SPON1: variants seen among roughly 807,000 people sequenced by gnomAD.
SPON1 encodes spondin 1.
Under a neutral mutation model 111.7 loss-of-function variants are expected in SPON1, and 52 were observed. The ratio of observed to expected loss-of-function variants is 0.47; its 90% CI spans 0.37 to 0.59. SPON1 has a LOEUF of 0.59. Ranked by LOEUF, SPON1 falls within the 20% of genes least tolerant of loss-of-function variation. SPON1 has a pLI of 0.00. For synonymous variants in SPON1, 410 were observed against 395.8 expected (o/e 1.04, Z -0.43); for missense variants, 957 against 1,068.5 (o/e 0.90, Z 1.46).
At chr11:14,053,717 A>G (rs1277480600) in intron 3 of SPON1, among the ~76,000 whole-genome samples, 1 of 152,208 alleles carries the variant, frequency 6.6e-6, no homozygotes, top group Non-Finnish European at 1.5e-5. Context: ...GAAGGACAGT[A>G]ATGACTCCAA....
At chr11:14,173,553 G>T (rs1437026316) in intron 6 of SPON1, among the ~76,000 whole-genome samples, 4 of 152,192 alleles carry the variant, frequency 2.6e-5, no homozygotes, top group Admixed American at 1.3e-4. Context: ...CGTTCCTTTG[G>T]AGGAGAAGGG....
At chr11:14,265,411 A>G (rs1554942365) in intron 15 of SPON1, 113 bp from the exon 16 acceptor site, 2 of 1,230,094 alleles carry the variant, frequency 1.6e-6, no homozygotes, top group Non-Finnish European at 2.2e-6. Context: ...CAATCATTAC[A>G]TACTTGAGCA....
intron 3 of SPON1, among the ~76,000 whole-genome samples, chr11:14,042,300 T>C (rs1396134689): frequency 1.3e-5 from 2 of 152,200 alleles, no homozygotes; most frequent in African/African-American, 4.8e-5. Context: ...GGAAAATGAT[T>C]TCTGTGGTCA....
At chr11:14,031,675 T>C (rs1848560257) in intron 2 of SPON1, among the ~76,000 whole-genome samples, 1 of 152,114 alleles carries the variant, frequency 6.6e-6, no homozygotes, top group Admixed American at 6.5e-5. Context: ...TTTTTTTCCT[T>C]TACTTTTCTG....
intron 3 of SPON1, among the ~76,000 whole-genome samples, chr11:14,074,030 T>G (rs1312288531): frequency 9.2e-5 from 14 of 152,126 alleles, no homozygotes; most frequent in Admixed American, 9.2e-4. Context: ...TGAAAAGCAC[T>G]GTTGGAGATG....
At chr11:14,188,544 C>A (rs1444299767) in intron 6 of SPON1, among the ~76,000 whole-genome samples, 1 of 152,160 alleles carries the variant, frequency 6.6e-6, no homozygotes, top group African/African-American at 2.4e-5. Context: ...TAAACTTTCT[C>A]ACCAATAGCA....
At chr11:14,229,746 C>T (rs1848775637) in intron 6 of SPON1, among the ~76,000 whole-genome samples, 1 of 152,150 alleles carries the variant, frequency 6.6e-6, no homozygotes, top group Admixed American at 6.5e-5. Flanking sequence ...GCACTTTCCC[C>T]AAACTTGCGC....
At chr11:14,229,951 CGT>C (rs55709324) in intron 6 of SPON1, among the ~76,000 whole-genome samples, 55,199 of 144,816 alleles carry the variant, frequency 0.38, 11,210 homozygotes, top group Non-Finnish European at 0.48. Context: ...TCTGTGTGTC[CGT>C]GTGTGTGTGT....
At chr11:14,111,117 T>C (rs1054964994) in intron 5 of SPON1, among the ~76,000 whole-genome samples, 4 of 152,252 alleles carry the variant, frequency 2.6e-5, no homozygotes, top group Non-Finnish European at 5.9e-5. Context: ...AAAATCTATA[T>C]TAGTTAAATG....
At chr11:14,239,743 C>G (rs782244336) in intron 6 of SPON1, among the ~76,000 whole-genome samples, 10 of 152,172 alleles carry the variant, frequency 6.6e-5, no homozygotes, top group Non-Finnish European at 1.2e-4. Flanking sequence ...AACAAAAACA[C>G]AGAGCTAGTA....
At position 14,265,530 on chromosome 11, in the gene SPON1, G is replaced by A. The variant is rs1405098762; in HGVS notation, c.2267G>A (p.Arg756Lys). Residue 756 changes from arginine to lysine, a missense_variant, in exon 16 of 16, where the codon AGG becomes AAG. Physicochemically the swap from Arg to Lys is conservative, Grantham distance 26 (BLOSUM62 2). Around this residue, in one of 5 missense-constraint regions of SPON1, gnomAD observed 549 missense variants for 606.2 expected, o/e 0.91. Transcript: ENST00000576479. ...ESEGEQFPGC[R>K]MRPWTAWSEC... ...GGCATTCTCATGCTTTCAGGTTGTA[G>A]GATGCGCCCATGGACGGCCTGGTCA... is the stretch of plus-strand genomic sequence containing the variant. 7 of 1,612,682 alleles carry A rather than the reference G, an allele frequency of 4.3e-6. No homozygotes were observed. Among genetic ancestry groups the A allele is most frequent in the Non-Finnish European group, 5.9e-6 (7 of 1,179,452 alleles).
chr11:14,005,961 T>C (rs1317270880), intron 2 of SPON1, among the ~76,000 whole-genome samples: 8 of 152,128 alleles, frequency 5.3e-5, no homozygotes, highest in African/African-American at 1.4e-4. Context: ...GGAGGGTGAA[T>C]CAAATGAGAT....
At chr11:13,972,684 AC>A (rs1554908731) in intron 1 of SPON1, among the ~76,000 whole-genome samples, 1 of 152,010 alleles carries the variant, frequency 6.6e-6, no homozygotes, top group Non-Finnish European at 1.5e-5. Context: ...ACCAACTGCC[AC>A]CCCCAGCATA....
chr11:14,017,806 G>A (rs1554914445), intron 2 of SPON1, among the ~76,000 whole-genome samples: 1 of 152,166 alleles, frequency 6.6e-6, no homozygotes, highest in African/African-American at 2.4e-5. Flanking sequence ...GATTTGCTGG[G>A]ACTACCTAAG....
intron 5 of SPON1, among the ~76,000 whole-genome samples, chr11:14,091,690 G>A (rs961623700): frequency 4.6e-5 from 7 of 152,004 alleles, no homozygotes; most frequent in Non-Finnish European, 7.4e-5. Context: ...CCGCAGCCCC[G>A]GTTCTCGCTC....
At chr11:14,161,221 A>T (rs1564920150) in intron 6 of SPON1, among the ~76,000 whole-genome samples, 1 of 75,714 alleles carries the variant, frequency 1.3e-5, no homozygotes, top group Non-Finnish European at 2.6e-5. Context: ...ATATATATCT[A>T]TATATATTTA....
intron 5 of SPON1, among the ~76,000 whole-genome samples, chr11:14,115,066 A>G (rs1279372703): frequency 2.0e-5 from 3 of 152,110 alleles, no homozygotes; most frequent in South Asian, 2.1e-4. Context: ...CTGGGGTAAC[A>G]TGTGTCCTCC....
At chr11:14,264,410 TCAG>T (rs1849237442) in intron 15 of SPON1, among the ~76,000 whole-genome samples, 3 of 152,312 alleles carry the variant, frequency 2.0e-5, no homozygotes. Context: ...TTCCAGGACT[TCAG>T]AAGAAAAAGA....
intron 6 of SPON1, among the ~76,000 whole-genome samples, chr11:14,226,576 T>C (rs555833554): frequency 4.9e-4 from 74 of 152,320 alleles, no homozygotes; most frequent in Middle Eastern, 6.8e-3. Context: ...TGAATGCATA[T>C]AGCTTTCACA....
Sources: allele counts gnomAD v4.1 joint callset (sites outside exome capture counted in the v4.1 genomes callset), GRCh38; gene constraint gnomAD v4.1.1; regional missense constraint gnomAD v4.1.1; transcripts MANE v1.5; gene names NCBI Gene and HGNC (gene_info 2026-07-23, HGNC 2026-07-21).